Variants in EEFSEC observed in about 807,000 individuals in gnomAD.
EEFSEC encodes selenocysteine-specific elongation factor.
Under a neutral mutation model 42.1 loss-of-function variants are expected in EEFSEC, and 43 were observed. The observed-to-expected ratio is 1.02, with a 90% CI of 0.80 to 1.32. The LOEUF (loss-of-function observed/expected upper bound fraction) is 1.32, where lower values mean the gene tolerates loss of function less well. Among genes scored for constraint, EEFSEC ranks in the 40% most tolerant of loss-of-function variants. The probability of loss-of-function intolerance (pLI) is 0.00; values close to 1 mark genes in which losing one functional copy is unlikely to be tolerated. For synonymous variants in EEFSEC, 354 were observed against 339.1 expected, an observed-to-expected ratio of 1.04 and a Z score of -0.48; for missense variants, 745 against 803.6, an observed-to-expected ratio of 0.93 and a Z score of 0.88.
intron 4 of EEFSEC, among the ~76,000 whole-genome samples, chr3:128,275,079 C>CTGCGGTGCCTT (rs1160802612): frequency 4.1e-4 from 63 of 152,156 alleles, no homozygotes; most frequent in Non-Finnish European, 7.9e-4. Context: ...TAGCTGTGGG[C>CTGCGGTGCCTT]TGCGGTGCCT....
At chr3:128,393,164 T>A (rs1390552108) in intron 6 of EEFSEC, among the ~76,000 whole-genome samples, 1 of 152,168 alleles carries the variant, frequency 6.6e-6, no homozygotes, top group African/African-American at 2.4e-5. Flanking sequence ...CCTCCCTATC[T>A]CAGGCCCTCT....
intron 2 of EEFSEC, among the ~76,000 whole-genome samples, chr3:128,249,883 A>T (rs529890753): frequency 6.6e-6 from 1 of 152,206 alleles, no homozygotes; most frequent in Non-Finnish European, 1.5e-5. Flanking sequence ...TAATGCTGCT[A>T]TGAACATGGA....
chr3:128,396,080 C>T (rs1315198883), intron 6 of EEFSEC, among the ~76,000 whole-genome samples: 43 of 152,216 alleles, frequency 2.8e-4, no homozygotes, highest in Admixed American at 2.8e-3. Context: ...TGGACAGCCA[C>T]CATTCCAACC....
At chr3:128,315,978 T>G (rs776891411) in intron 4 of EEFSEC, among the ~76,000 whole-genome samples, 12 of 152,238 alleles carry the variant, frequency 7.9e-5, no homozygotes, top group Non-Finnish European at 1.3e-4. Flanking sequence ...ATTGGTTGCA[T>G]AATATTAAAT....
In EEFSEC at chr3:128,367,866, C is replaced by T. The variant is rs558225618; in HGVS notation, c.1600+9493C>T. On this transcript the variant is annotated intron_variant, in intron 6 of 6. Transcript: ENST00000254730. The stretch of plus-strand genomic sequence containing the variant: ...GCCAAGCAGTTCTGCACTGGTGACG[C>T]GTGCTGACTCCAGCTCAGGCTAGGG... 452 of 981,266 alleles carry T rather than the reference C, an allele frequency of 4.6e-4. 1 individual carries two copies. The highest frequency in any genetic ancestry group is 5.1e-4 in the Non-Finnish European group (418 of 826,204). 60.8% of individuals were successfully genotyped at this position (981,266 alleles called of 1,614,324 possible).
intron 1 of EEFSEC, among the ~76,000 whole-genome samples, chr3:128,154,678 T>A (rs907481359): frequency 1.3e-5 from 2 of 152,082 alleles, no homozygotes; most frequent in African/African-American, 4.8e-5. Context: ...CTCAAACTCC[T>A]GACTTCATGA....
At chr3:128,174,628 G>A (rs367822220) in intron 1 of EEFSEC, among the ~76,000 whole-genome samples, 3 of 152,256 alleles carry the variant, frequency 2.0e-5, no homozygotes, top group African/African-American at 7.2e-5. Context: ...GTATTACTGT[G>A]GACGTGTAGC....
At chr3:128,309,451 C>A (rs1294263101) in intron 4 of EEFSEC, among the ~76,000 whole-genome samples, 1 of 152,208 alleles carries the variant, frequency 6.6e-6, no homozygotes, top group African/African-American at 2.4e-5. Flanking sequence ...GCCCCTGCTG[C>A]TGTCTGCTGA....
At chr3:128,229,237 G>A (rs566383100) in intron 1 of EEFSEC, among the ~76,000 whole-genome samples, 7 of 152,248 alleles carry the variant, frequency 4.6e-5, no homozygotes, top group African/African-American at 1.7e-4. Context: ...CCTCGGTCCA[G>A]AGTGTTGGGG....
intron 2 of EEFSEC, among the ~76,000 whole-genome samples, chr3:128,257,475 A>C (rs1331117622): frequency 1.3e-5 from 2 of 151,886 alleles, no homozygotes; most frequent in Non-Finnish European, 2.9e-5. Context: ...TCTATAAACC[A>C]CTCCCGAATG....
chr3:128,406,049 A>T (rs2068105946), intron 6 of EEFSEC, among the ~76,000 whole-genome samples: 1 of 152,184 alleles, frequency 6.6e-6, no homozygotes. Context: ...GCTTGCTCCC[A>T]CCAGGACCCC....
At chr3:128,280,227 T>C (rs2066511974) in intron 4 of EEFSEC, among the ~76,000 whole-genome samples, 1 of 152,246 alleles carries the variant, frequency 6.6e-6, no homozygotes, top group African/African-American at 2.4e-5. Flanking sequence ...GGCTGCATCT[T>C]GGAGGAGTGA....
chr3:128,395,420 C>A (rs754108586), intron 6 of EEFSEC, among the ~76,000 whole-genome samples: 1 of 152,232 alleles, frequency 6.6e-6, no homozygotes, highest in Non-Finnish European at 1.5e-5. Flanking sequence ...ACCCCAGCTT[C>A]CTTCCTCCTC....
rs573734094 is a variant in EEFSEC, at chr3:128,407,408, G to A, written c.1601-661G>A. On this transcript the variant is annotated intron_variant, in intron 6 of 6. Coordinates refer to ENST00000254730, the MANE Select transcript of EEFSEC (RefSeq NM_021937.5). ...GTCCTGATGGGAGCAAGCTCTCAGG[G>A]CAGTGGCAAACTGAGCCGAGGGGGC... 3.9e-3 allele frequency among the ~76,000 whole-genome samples: 590 copies of A among 152,322 alleles called. 5 individuals are homozygous for A. In the Middle Eastern group the frequency reaches 0.051, roughly 13 times the overall value.
intron 5 of EEFSEC, among the ~76,000 whole-genome samples, chr3:128,352,369 C>T (rs561361612): frequency 2.2e-4 from 33 of 152,316 alleles, no homozygotes; most frequent in Admixed American, 1.1e-3. Context: ...CAGTAATTTC[C>T]GGAGGTGTAG....
intron 5 of EEFSEC, among the ~76,000 whole-genome samples, chr3:128,344,100 G>A (rs530773671): frequency 5.3e-5 from 8 of 152,310 alleles, no homozygotes; most frequent in Admixed American, 1.3e-4. Flanking sequence ...CCCCCAACTC[G>A]CAACCCCCTG....
At chr3:128,274,897 T>A (rs1354959687) in intron 4 of EEFSEC, among the ~76,000 whole-genome samples, 1 of 152,214 alleles carries the variant, frequency 6.6e-6, no homozygotes, top group East Asian at 1.9e-4. Flanking sequence ...GGCCATTTGC[T>A]TTCACAATCT....
At chr3:128,199,084 G>A (rs1273779633) in intron 1 of EEFSEC, among the ~76,000 whole-genome samples, 3 of 152,136 alleles carry the variant, frequency 2.0e-5, no homozygotes, top group Admixed American at 6.5e-5. Flanking sequence ...CGCCTGCCTC[G>A]GTCTCCCAAA....
At chr3:128,372,928 A>T (rs1356033317) in intron 6 of EEFSEC, among the ~76,000 whole-genome samples, 1 of 152,200 alleles carries the variant, frequency 6.6e-6, no homozygotes, top group Non-Finnish European at 1.5e-5. Flanking sequence ...GCTGCTGTAG[A>T]TGTCACTTCC....
Sources: allele counts gnomAD v4.1 joint callset (sites outside exome capture counted in the v4.1 genomes callset), GRCh38; gene constraint gnomAD v4.1.1; transcripts MANE v1.5; gene names NCBI Gene and HGNC (gene_info 2026-07-23, HGNC 2026-07-21).